MACROD2: variants seen among roughly 807,000 people sequenced by gnomAD.
The protein encoded by MACROD2 is ADP-ribose glycohydrolase MACROD2.
Under a neutral mutation model 70.4 loss-of-function variants are expected in MACROD2, and 36 were observed. That is an observed-to-expected ratio of 0.51 (90% CI 0.39 to 0.68). The LOEUF (loss-of-function observed/expected upper bound fraction) is 0.68, where lower values mean the gene tolerates loss of function less well. MACROD2 is among the 30% of genes least tolerant of loss of function. The pLI is 0.00. For synonymous variants in MACROD2, 172 were observed against 178.8 expected (o/e 0.96, Z 0.30); for missense variants, 496 against 538.4 (o/e 0.92, Z 0.78).
intron 5 of MACROD2, among the ~76,000 whole-genome samples, chr20:15,092,162 A>G (rs1483421468): frequency 6.6e-6 from 1 of 151,902 alleles, no homozygotes; most frequent in Admixed American, 6.6e-5. Flanking sequence ...AGCTGGTTTG[A>G]CCAATTGTGG....
intron 5 of MACROD2, among the ~76,000 whole-genome samples, chr20:15,181,591 C>T (rs1425900891): frequency 6.6e-6 from 1 of 152,118 alleles, no homozygotes; most frequent in Non-Finnish European, 1.5e-5. Context: ...TGTTATATAA[C>T]CTTTTTTTGC....
chr20:15,527,096 C>T (rs2047731939), intron 8 of MACROD2, among the ~76,000 whole-genome samples: 1 of 152,140 alleles, frequency 6.6e-6, no homozygotes, highest in Non-Finnish European at 1.5e-5. Flanking sequence ...TTTCCCTCCC[C>T]TTGTCTGAGC....
chr20:14,376,404 A>G (rs1272821874), intron 3 of MACROD2, among the ~76,000 whole-genome samples: 1 of 152,210 alleles, frequency 6.6e-6, no homozygotes, highest in African/African-American at 2.4e-5. Context: ...TCACCTGAGC[A>G]TAATGCCCAG....
chr20:15,877,205 C>A (rs2064688170), intron 9 of MACROD2, among the ~76,000 whole-genome samples: 1 of 152,080 alleles, frequency 6.6e-6, no homozygotes, highest in South Asian at 2.1e-4. Context: ...ACGTCCATCT[C>A]CAGCTGGGAG....
chr20:15,707,269 A>G (rs1180627757), intron 8 of MACROD2, among the ~76,000 whole-genome samples: 1 of 152,180 alleles, frequency 6.6e-6, no homozygotes, highest in African/African-American at 2.4e-5. Context: ...CCATTTTACC[A>G]TGAGGGTATG....
intron 2 of MACROD2, among the ~76,000 whole-genome samples, chr20:14,029,222 C>T (rs2053218231): frequency 6.6e-6 from 1 of 152,180 alleles, no homozygotes; most frequent in Non-Finnish European, 1.5e-5. Flanking sequence ...GTCATTGTCA[C>T]CACCTCTTCA....
intron 3 of MACROD2, among the ~76,000 whole-genome samples, chr20:14,226,529 G>C (rs920091917): frequency 2.6e-5 from 4 of 152,302 alleles, no homozygotes; most frequent in Non-Finnish European, 4.4e-5. Context: ...AGCGGGAACC[G>C]GGGCTGCGCG....
chr20:15,132,285 G>A (rs2076112256), intron 5 of MACROD2, among the ~76,000 whole-genome samples: 1 of 151,954 alleles, frequency 6.6e-6, no homozygotes, highest in South Asian at 2.1e-4. Flanking sequence ...GGTAAGAGAT[G>A]TTAATTCATC....
At chr20:15,024,401 G>A (rs904010459) in intron 5 of MACROD2, among the ~76,000 whole-genome samples, 1 of 150,560 alleles carries the variant, frequency 6.6e-6, no homozygotes, top group African/African-American at 2.5e-5. Flanking sequence ...GGAAGGGGAA[G>A]AAGAATGAAA....
rs202016557 is a variant in MACROD2 at position 14,948,193 on chromosome 20, GA to G, written c.418+263236del. On this transcript the variant is annotated intron_variant, in intron 5 of 17. Transcript: ENST00000684519. ...TTCACTCTGGCTCCTTTTCAGGAGA[GA>G]ATCCTCTTCCCTGGATTTTGTCAGA... is the stretch of plus-strand genomic sequence containing the variant. Among the ~76,000 whole-genome samples the G allele has an allele frequency of 3.7e-3, 570 of 152,286 alleles. 17 individuals are homozygous for G. In the East Asian group the frequency reaches 0.046, roughly 12 times the overall value.
Position 15,321,757 on chromosome 20 carries a change from G to A in MACROD2, c.540+91696G>A, listed in dbSNP as rs1334040856. On this transcript the variant is annotated intron_variant, in intron 6 of 17. Coordinates refer to ENST00000684519, the MANE Select transcript of MACROD2 (RefSeq NM_001351661.2). ...AAGTGAATCCATTTGCATGTATAAT[G>A]TATGTGTGTGGTGATATTAAAAGAT... 1.4e-5 allele frequency among the ~76,000 whole-genome samples: 2 copies of A among 144,122 alleles called. 1 individual carries two copies. The highest frequency in any genetic ancestry group is 1.4e-4 in the Admixed American group (2 of 14,342). The allele number at this position is 144,122 out of a possible 152,430, so 94.5% of individuals were successfully genotyped here. A position where few individuals can be genotyped will look rare whatever the true frequency, so the allele number is the denominator to read the frequency against.
At chr20:15,851,361 AT>A (rs1197691508) in intron 8 of MACROD2, among the ~76,000 whole-genome samples, 1 of 151,576 alleles carries the variant, frequency 6.6e-6, no homozygotes, top group Non-Finnish European at 1.5e-5. Context: ...ACAGAAATTT[AT>A]TTTCTCATAG....
intron 8 of MACROD2, among the ~76,000 whole-genome samples, chr20:15,632,856 TTCC>T (rs1483397008): frequency 2.0e-5 from 3 of 151,344 alleles, no homozygotes; most frequent in Admixed American, 2.0e-4. Flanking sequence ...CCTCTCTCTT[TTCC>T]TCCTTCCTTT....
At chr20:15,061,023 G>A (rs914928931) in intron 5 of MACROD2, among the ~76,000 whole-genome samples, 2 of 152,304 alleles carry the variant, frequency 1.3e-5, no homozygotes, top group African/African-American at 4.8e-5. Context: ...GCTCAGAGAA[G>A]TTAATTCAAT....
At chr20:15,032,348 C>G (rs550509340) in intron 5 of MACROD2, among the ~76,000 whole-genome samples, 1 of 152,228 alleles carries the variant, frequency 6.6e-6, no homozygotes, top group South Asian at 2.1e-4. Flanking sequence ...CGCACGCTGC[C>G]CTGGCGCGCC....
At chr20:14,741,614 C>T (rs2071733231) in intron 5 of MACROD2, among the ~76,000 whole-genome samples, 1 of 151,956 alleles carries the variant, frequency 6.6e-6, no homozygotes, top group Non-Finnish European at 1.5e-5. Flanking sequence ...CCACTATTGA[C>T]AGGATATAGG....
intron 8 of MACROD2, among the ~76,000 whole-genome samples, chr20:15,753,458 A>C (rs2051302582): frequency 6.6e-6 from 1 of 152,182 alleles, no homozygotes; most frequent in Admixed American, 6.5e-5. Context: ...CATTCTTTTT[A>C]TGGCTGGGTA....
chr20:14,103,108 G>A (rs754004130), intron 3 of MACROD2, among the ~76,000 whole-genome samples: 9 of 150,442 alleles, frequency 6.0e-5, no homozygotes, highest in Admixed American at 1.3e-4. Flanking sequence ...TTTTTTTTCT[G>A]AAGGAATTTG....
chr20:14,338,188 G>T (rs929783830), intron 3 of MACROD2, among the ~76,000 whole-genome samples: 3 of 152,144 alleles, frequency 2.0e-5, no homozygotes, highest in Non-Finnish European at 4.4e-5. Flanking sequence ...GATCACCTGA[G>T]GTCAGGAGTT....
Sources: allele counts gnomAD v4.1 joint callset (sites outside exome capture counted in the v4.1 genomes callset), GRCh38; gene constraint gnomAD v4.1.1; transcripts MANE v1.5; gene names NCBI Gene and HGNC (gene_info 2026-07-23, HGNC 2026-07-21).